ADAMTS3: variants seen among roughly 807,000 people sequenced by gnomAD.
ADAMTS3 encodes the protein A disintegrin and metalloproteinase with thrombospondin motifs 3.
In ADAMTS3, 73 loss-of-function variants were observed where a neutral mutation model predicts 129.0. The ratio of observed to expected loss-of-function variants is 0.57; its 90% confidence interval spans 0.47 to 0.69. The LOEUF (loss-of-function observed/expected upper bound fraction) is 0.69. Among genes scored for constraint, ADAMTS3 ranks in the 30% least tolerant of loss-of-function variants. The pLI, the probability that ADAMTS3 is intolerant of heterozygous loss-of-function variation, is 0.00. For synonymous variants in ADAMTS3, 477 were observed against 510.8 expected (o/e 0.93, Z 0.89); for missense variants, 1,457 against 1,514.5 (o/e 0.96, Z 0.63).
At chr4:72,385,586 G>A (rs889489614) in intron 4 of ADAMTS3, among the ~76,000 whole-genome samples, 1 of 152,030 alleles carries the variant, frequency 6.6e-6, no homozygotes, top group Non-Finnish European at 1.5e-5. Context: ...CAAACTATAT[G>A]CTACAATACA....
In ADAMTS3 at chr4:72,505,116, G is replaced by A. The variant is rs72853058; in HGVS notation, c.504+43362C>T. 6.2e-3 allele frequency among the ~76,000 whole-genome samples: 941 copies of A among 152,208 alleles called. 18 individuals are homozygous for A. The highest frequency in any genetic ancestry group is 0.021 in the African/African-American group (893 of 41,542). On this transcript the variant is annotated intron_variant, in intron 3 of 21. Transcript: ENST00000286657. ...TGGAGAGTTAGTGAGACCCTTTGGT[G>A]GTGTCACTACATTCGGATTTTTCAT...
At chr4:72,476,533 A>G (rs763669933) in intron 3 of ADAMTS3, among the ~76,000 whole-genome samples, 22 of 152,116 alleles carry the variant, frequency 1.4e-4, no homozygotes, top group Non-Finnish European at 2.6e-4. Context: ...GAATTCTACC[A>G]AATGGTTGAA....
intron 3 of ADAMTS3, among the ~76,000 whole-genome samples, chr4:72,519,872 T>C (rs1177244968): frequency 6.6e-6 from 1 of 152,242 alleles, no homozygotes; most frequent in Non-Finnish European, 1.5e-5. Flanking sequence ...TTTGTTCCAT[T>C]GCTGGTGAAG....
chr4:72,399,826 C>CACACACGGTGTGTATGCATAT (rs1560501299), intron 4 of ADAMTS3, among the ~76,000 whole-genome samples: 1 of 3,480 alleles, frequency 2.9e-4, no homozygotes, highest in Non-Finnish European at 7.1e-4. Context: ...TGTGTATATA[C>CACACACGGTGTGTATGCATAT]GTGTGTATAT....
intron 4 of ADAMTS3, among the ~76,000 whole-genome samples, chr4:72,351,479 C>T (rs927583528): frequency 2.6e-5 from 4 of 151,190 alleles, no homozygotes; most frequent in African/African-American, 4.9e-5. Flanking sequence ...ATTAAATCTC[C>T]TTTAGTATGT....
At chr4:72,421,800 A>G (rs1225019652) in intron 3 of ADAMTS3, among the ~76,000 whole-genome samples, 1 of 152,158 alleles carries the variant, frequency 6.6e-6, no homozygotes, top group Non-Finnish European at 1.5e-5. Flanking sequence ...CTATATTAAT[A>G]TTTCTCTGAG....
rs148901197 is a variant in ADAMTS3, at chr4:72,513,495, G to A, written c.504+34983C>T. ...TCCGTTTCACTCCCCACCATCTAACGGATTAACCTTCTTGAGTAAAATTCT... is the reference window on the plus strand; with the variant it reads ...TCCGTTTCACTCCCCACCATCTAACAGATTAACCTTCTTGAGTAAAATTCT... On this transcript the variant is annotated intron_variant, in intron 3 of 21. Coordinates refer to ENST00000286657, the MANE Select transcript of ADAMTS3 (RefSeq NM_014243.3). Among the ~76,000 whole-genome samples, 9 of 152,090 alleles carry A rather than the reference G, an allele frequency of 5.9e-5. No homozygotes were observed. The East Asian group carries it at 7.8e-4, about 13-fold the overall frequency.
intron 3 of ADAMTS3, among the ~76,000 whole-genome samples, chr4:72,542,693 C>G (rs1560560124): frequency 6.6e-6 from 1 of 152,148 alleles, no homozygotes; most frequent in African/African-American, 2.4e-5. Context: ...TGACCCATGA[C>G]TTCCTTTTCT....
At chr4:72,405,272 G>A (rs758968285) in intron 4 of ADAMTS3, among the ~76,000 whole-genome samples, 24 of 151,998 alleles carry the variant, frequency 1.6e-4, no homozygotes, top group Admixed American at 7.2e-4. Context: ...TCACAATATC[G>A]AAGATGTGGA....
At chr4:72,318,850 T>C (rs1295861678) in intron 9 of ADAMTS3, 146 bp from the exon 10 acceptor site, 3 of 780,004 alleles carry the variant, frequency 3.8e-6, no homozygotes, top group Admixed American at 6.1e-5. Flanking sequence ...ATTTAAGGTT[T>C]TGGTTTTGGT....
chr4:72,309,878 G>T (rs1719186896), intron 14 of ADAMTS3, among the ~76,000 whole-genome samples: 1 of 152,030 alleles, frequency 6.6e-6, no homozygotes, highest in African/African-American at 2.4e-5. Flanking sequence ...CATTTATGAT[G>T]ATGGATAATA....
chr4:72,413,686 A>T (rs1722235196), intron 4 of ADAMTS3, among the ~76,000 whole-genome samples: 1 of 152,020 alleles, frequency 6.6e-6, no homozygotes, highest in South Asian at 2.1e-4. Context: ...TTTTTTCATT[A>T]AAAAACTGAG....
chr4:72,319,383 T>C lies in ADAMTS3; in HGVS notation c.1301A>G (p.His434Arg). 1.2e-6 allele frequency: 2 copies of C among 1,613,984 alleles called. No individual in the cohort carries two copies. The highest frequency in any genetic ancestry group is 1.1e-5 in the South Asian group (1 of 91,082). ...ACTGCATCGGGACCAGTGGTAACGA[T>C]GGAATGCTGCTTGTACCAAGGGAGC... ...VMAPLVQAAFHRYHWSRCSGQ... is the reference protein window; with the variant it reads ...VMAPLVQAAFRRYHWSRCSGQ... The change falls in exon 9 of 22, where the codon CAT (histidine) becomes CGT (arginine). Residue 434 changes from histidine to arginine, a missense_variant. Coordinates refer to ENST00000286657, the MANE Select transcript of ADAMTS3 (RefSeq NM_014243.3).
chr4:72,478,733 G>C, intron 3 of ADAMTS3, among the ~76,000 whole-genome samples: 1 of 151,406 alleles, frequency 6.6e-6, no homozygotes, highest in East Asian at 1.9e-4. Context: ...TATTCAATTA[G>C]GAAAAGAGGA....
Position 72,477,836 on chromosome 4 carries a change from G to A in ADAMTS3, c.505-62865C>T, listed in dbSNP as rs915864560. On this transcript the variant is annotated intron_variant, in intron 3 of 21. Transcript: ENST00000286657. Reference sequence around the variant, plus strand: ...AAAAAGTGAGAAGAATCAAATAGACGCAATAAAAAATGATAAAGGGGATAT... The same window carrying A: ...AAAAAGTGAGAAGAATCAAATAGACACAATAAAAAATGATAAAGGGGATAT... 1.6e-4 allele frequency among the ~76,000 whole-genome samples: 24 copies of A among 151,826 alleles called. No homozygotes were observed. In the Middle Eastern group the frequency reaches 0.01, roughly 65 times the overall value.
chr4:72,377,026 C>A (rs1336225678), intron 4 of ADAMTS3, among the ~76,000 whole-genome samples: 1 of 152,144 alleles, frequency 6.6e-6, no homozygotes, highest in African/African-American at 2.4e-5. Flanking sequence ...GTAGGCAATA[C>A]TGTAAACATG....
chr4:72,522,474 A>G (rs1326340621), intron 3 of ADAMTS3, among the ~76,000 whole-genome samples: 1 of 152,198 alleles, frequency 6.6e-6, no homozygotes, highest in African/African-American at 2.4e-5. Flanking sequence ...TGTTGAGGAC[A>G]CATTCACAGA....
In ADAMTS3 at chr4:72,304,057, G is replaced by A. The variant is rs755097702; in HGVS notation, c.2284C>T (p.His762Tyr). 6.2e-7 allele frequency: 1 copy of A among 1,613,420 alleles called. No homozygotes were observed. Among genetic ancestry groups the A allele is most frequent in the Non-Finnish European group, 8.5e-7 (1 of 1,179,570 alleles). Reference protein sequence around the residue: ...ILAIKNQATGHYILNGKGEEA... With the variant: ...ILAIKNQATGYYILNGKGEEA... ...TCCCCTTTGCCATTTAAAATATAAT[G>A]GCCTGTAGCCTGGTTCTTAATAGCT... Residue 762 changes from histidine to tyrosine, a missense_variant, in exon 17 of 22, where the codon CAT becomes TAT. Coordinates refer to ENST00000286657, the MANE Select transcript of ADAMTS3 (RefSeq NM_014243.3).
At chr4:72,306,138 A>C in intron 15 of ADAMTS3, 71 bp from the exon 16 acceptor site, 1 of 1,161,734 alleles carries the variant, frequency 8.6e-7, no homozygotes, top group Non-Finnish European at 1.2e-6. Context: ...TTAGTTGAGC[A>C]CTACATTCTT....
Sources: gnomAD v4.1 joint callset for allele counts (sites outside exome capture counted in the v4.1 genomes callset) on GRCh38, gnomAD v4.1.1 for gene constraint, MANE v1.5 for transcripts, NCBI Gene and HGNC (gene_info 2026-07-23, HGNC 2026-07-21) for gene names.